The following ATRNL1 variants were observed in gnomAD, a reference collection of about 807,000 sequenced individuals.
ATRNL1 encodes the protein attractin like 1, also known as attractin-like protein 1.
A neutral mutation model predicts 182.7 loss-of-function variants in ATRNL1; 95 were observed. That is an observed-to-expected ratio of 0.52 (90% CI 0.44 to 0.62). The LOEUF is 0.62. Ranked by LOEUF, ATRNL1 falls within the 20% of genes least tolerant of loss-of-function variation. ATRNL1 has a pLI of 0.00. For synonymous variants in ATRNL1, 576 were observed against 568.3 expected, an observed-to-expected ratio of 1.01 and a Z score of -0.19; for missense variants, 1,471 against 1,679.5, an observed-to-expected ratio of 0.88 and a Z score of 2.17.
At chr10:115,293,919 G>A (rs979331170) in intron 15 of ATRNL1, among the ~76,000 whole-genome samples, 2 of 152,080 alleles carry the variant, frequency 1.3e-5, no homozygotes, top group African/African-American at 4.8e-5. Context: ...GATGATTTGA[G>A]TATTGTGTGC....
At chr10:115,568,109 C>T (rs1400653537) in intron 26 of ATRNL1, among the ~76,000 whole-genome samples, 8 of 151,954 alleles carry the variant, frequency 5.3e-5, no homozygotes, top group African/African-American at 9.7e-5. Flanking sequence ...AGTGGAATAA[C>T]GTTTTATGAA....
intron 20 of ATRNL1, among the ~76,000 whole-genome samples, chr10:115,408,925 CTA>C (rs1844997712): frequency 6.6e-6 from 1 of 152,058 alleles, no homozygotes; most frequent in Admixed American, 6.6e-5. Flanking sequence ...TTTCATTGAT[CTA>C]TGTGTCTGTT....
At chr10:115,713,212 G>A (rs543221079) in intron 26 of ATRNL1, among the ~76,000 whole-genome samples, 1 of 152,214 alleles carries the variant, frequency 6.6e-6, no homozygotes, top group East Asian at 1.9e-4. Context: ...CTAAACGATT[G>A]TAAGTTTCAT....
At chr10:115,646,175 A>T (rs1555032386) in intron 26 of ATRNL1, among the ~76,000 whole-genome samples, 1 of 152,072 alleles carries the variant, frequency 6.6e-6, no homozygotes, top group Non-Finnish European at 1.5e-5. Context: ...TGATTTTTTA[A>T]AACAAAGAAT....
At chr10:115,729,663 G>A (rs1170266653) in intron 27 of ATRNL1, among the ~76,000 whole-genome samples, 1 of 151,670 alleles carries the variant, frequency 6.6e-6, no homozygotes, top group Admixed American at 6.6e-5. Context: ...TCCTTATCAA[G>A]ATTCATAGTG....
chr10:115,209,571 A>G (rs1469026164), intron 8 of ATRNL1, among the ~76,000 whole-genome samples: 1 of 151,406 alleles, frequency 6.6e-6, no homozygotes, highest in Non-Finnish European at 1.5e-5. Context: ...TCATGTATTC[A>G]TGCATCTGTT....
At chr10:115,388,533 A>G (rs1290293171) in intron 19 of ATRNL1, among the ~76,000 whole-genome samples, 2 of 152,082 alleles carry the variant, frequency 1.3e-5, no homozygotes, top group East Asian at 3.8e-4. Context: ...TTGGTTCTAA[A>G]TGTGGCTCTA....
intron 24 of ATRNL1, among the ~76,000 whole-genome samples, chr10:115,482,458 C>T (rs567384041): frequency 2.8e-4 from 42 of 150,656 alleles, no homozygotes; most frequent in African/African-American, 7.5e-4. Context: ...TGTAATTTGA[C>T]GAGAATAAAA....
rs201588194 is a variant in ATRNL1, at chr10:115,318,809, TTCTC to T, written c.3037+3077_3037+3080del. 3.7e-4 allele frequency among the ~76,000 whole-genome samples: 57 copies of T among 152,050 alleles called. No homozygotes were observed. In the East Asian group the frequency reaches 0.011, roughly 29 times the overall value. ...TTCTTCTTTATTAGTCTAGCTAGCA[TTCTC>T]TCTATTTTCTTAGTTTTTCAAAAAA... On this transcript the variant is annotated intron_variant, in intron 18 of 28. Coordinates refer to ENST00000355044, the MANE Select transcript of ATRNL1 (RefSeq NM_207303.4).
At chr10:115,899,098 C>T (rs965037474) in intron 28 of ATRNL1, among the ~76,000 whole-genome samples, 6 of 152,030 alleles carry the variant, frequency 3.9e-5, no homozygotes, top group Non-Finnish European at 7.4e-5. Context: ...CTAATGCTAT[C>T]CTTCCCCCAT....
chr10:115,878,552 A>G (rs782768441), intron 28 of ATRNL1, among the ~76,000 whole-genome samples: 1 of 152,164 alleles, frequency 6.6e-6, no homozygotes, highest in Non-Finnish European at 1.5e-5. Flanking sequence ...CTGGGGTACA[A>G]GTATATTTTC....
intron 14 of ATRNL1, among the ~76,000 whole-genome samples, chr10:115,285,608 A>C (rs1257041553): frequency 5.3e-5 from 8 of 152,102 alleles, no homozygotes; most frequent in Admixed American, 5.2e-4. Flanking sequence ...ATTACTGAAC[A>C]GTATGTTTCA....
chr10:115,431,120 T>C (rs1846140029), intron 21 of ATRNL1, among the ~76,000 whole-genome samples: 2 of 152,176 alleles, frequency 1.3e-5, no homozygotes, highest in South Asian at 2.1e-4. Context: ...AAAGATATAA[T>C]ATTCTGCCAG....
At chr10:115,379,135 G>A (rs1554950351) in intron 19 of ATRNL1, among the ~76,000 whole-genome samples, 2 of 151,726 alleles carry the variant, frequency 1.3e-5, no homozygotes, top group African/African-American at 4.8e-5. Flanking sequence ...TTATATTCTA[G>A]GGGGCAGAAA....
At chr10:115,556,772 A>C (rs185144024) in intron 26 of ATRNL1, among the ~76,000 whole-genome samples, 14 of 150,640 alleles carry the variant, frequency 9.3e-5, no homozygotes, top group African/African-American at 3.4e-4. Flanking sequence ...ACTAACAACA[A>C]CTCCTGTATA....
chr10:115,731,983 C>T (rs550820649), intron 27 of ATRNL1, among the ~76,000 whole-genome samples: 1 of 152,242 alleles, frequency 6.6e-6, no homozygotes, highest in East Asian at 1.9e-4. Flanking sequence ...CGTGTTGTAG[C>T]GCCTGTTAGT....
At chr10:115,412,064 T>G (rs1404678085) in intron 20 of ATRNL1, among the ~76,000 whole-genome samples, 1 of 152,300 alleles carries the variant, frequency 6.6e-6, no homozygotes, top group South Asian at 2.1e-4. Flanking sequence ...ACTCCTATTA[T>G]TTTGTTACAT....
chr10:115,869,593 T>C (rs1221104038), intron 28 of ATRNL1, among the ~76,000 whole-genome samples: 12 of 152,184 alleles, frequency 7.9e-5, no homozygotes, highest in African/African-American at 2.9e-4. Context: ...CACAAACATA[T>C]GCTAGTCTCC....
At chr10:115,294,390 T>C (rs1345220877) in intron 15 of ATRNL1, among the ~76,000 whole-genome samples, 1 of 152,210 alleles carries the variant, frequency 6.6e-6, no homozygotes, top group Non-Finnish European at 1.5e-5. Context: ...CTCTGTTGCA[T>C]TTTTAAAGTT....
Sources: gnomAD v4.1 joint callset for allele counts (sites outside exome capture counted in the v4.1 genomes callset) on GRCh38, gnomAD v4.1.1 for gene constraint, MANE v1.5 for transcripts, NCBI Gene and HGNC (gene_info 2026-07-23, HGNC 2026-07-21) for gene names.